The following LMNB2 variants were observed in gnomAD, a reference collection of about 807,000 sequenced individuals.
The protein encoded by LMNB2 is lamin-B2.
LMNB2 carries 17 observed loss-of-function variants against 69.3 expected under a neutral mutation model. The observed-to-expected ratio is 0.25, with a 90% CI of 0.17 to 0.37. The LOEUF (loss-of-function observed/expected upper bound fraction) is 0.37. LMNB2 is among the 10% of genes least tolerant of loss of function. LMNB2 has a pLI of 1.00. For synonymous variants in LMNB2, 397 were observed against 389.3 expected (o/e 1.02, Z -0.23); for missense variants, 789 against 883.6 (o/e 0.89, Z 1.36).
At chr19:2,432,361 A>T in intron 9 of LMNB2, 55 bp downstream of exon 9, 3 of 970,012 alleles carry the variant, frequency 3.1e-6, no homozygotes, top group Non-Finnish European at 4.6e-6. Context: ...CAGTCCCCTG[A>T]CCCCACCTCA....
intron 8 of LMNB2, 51 bp from the exon 9 acceptor site, chr19:2,432,574 GCCC>G (rs769597549): frequency 6.9e-7 from 1 of 1,443,910 alleles, no homozygotes; most frequent in Non-Finnish European, 9.7e-7. Context: ...CTGTGACACC[GCCC>G]CCATCGCCCT....
chr19:2,454,233 C>T (rs991433115), intron 1 of LMNB2, among the ~76,000 whole-genome samples: 3 of 137,290 alleles, frequency 2.2e-5, no homozygotes, highest in African/African-American at 2.7e-5. Context: ...GCAGAGGGTG[C>T]GGGGAGCTAA....
intron 1 of LMNB2, among the ~76,000 whole-genome samples, chr19:2,450,121 C>CACAT (rs1555684456): frequency 1.9e-4 from 27 of 142,418 alleles, no homozygotes; most frequent in African/African-American, 5.5e-4. Context: ...TATATATACA[C>CACAT]ATATATATAT....
chr19:2,438,962 G>A (rs1293688450), intron 2 of LMNB2, among the ~76,000 whole-genome samples: 1 of 143,524 alleles, frequency 7.0e-6, no homozygotes. Context: ...TCCAACATTA[G>A]ATATTTAAGA....
intron 4 of LMNB2, among the ~76,000 whole-genome samples, chr19:2,436,285 A>C (rs1344844391): frequency 6.6e-6 from 1 of 152,176 alleles, no homozygotes; most frequent in Non-Finnish European, 1.5e-5. Flanking sequence ...TCCGTCTCAA[A>C]AGAAAAAAAT....
intron 1 of LMNB2, among the ~76,000 whole-genome samples, chr19:2,449,976 G>A (rs1972001318): frequency 6.6e-6 from 1 of 152,048 alleles, no homozygotes; most frequent in African/African-American, 2.4e-5. Context: ...CCAGGAGGCT[G>A]AGGCAGGAGA....
At chr19:2,445,269 C>T (rs1461651753) in intron 1 of LMNB2, among the ~76,000 whole-genome samples, 1 of 151,554 alleles carries the variant, frequency 6.6e-6, no homozygotes, top group Non-Finnish European at 1.5e-5. Flanking sequence ...CTCCCCCAGA[C>T]CCCGCTGAGC....
At chr19:2,456,362 G>A (rs1048140940) in intron 1 of LMNB2, among the ~76,000 whole-genome samples, 1 of 149,794 alleles carries the variant, frequency 6.7e-6, no homozygotes, top group Non-Finnish European at 1.5e-5. Context: ...CACGCACCCC[G>A]CGGTGGGCGG....
intron 1 of LMNB2, 80 bp downstream of exon 1, chr19:2,456,590 G>A (rs2145479064): frequency 7.7e-7 from 1 of 1,298,242 alleles, no homozygotes; most frequent in Middle Eastern, 3.0e-4. Flanking sequence ...CCCCGCCCAG[G>A]GTCCCCGCGA....
rs147230168 is a variant in LMNB2, at chr19:2,431,627, G to A, written c.1742C>T (p.Ser581Leu). ...CCCATTCTCATTCTCACGCATCACC[G>A]AGGACTTCTTCACAGTCCTCATGGC... is the stretch of plus-strand genomic sequence containing the variant. ...EVAMRTVKKS[S>L]VMRENENGEE... Residue 581 changes from serine (S) to leucine (L), a missense_variant, in exon 11 of 12, where the codon TCG becomes TTG. This residue lies in a region of LMNB2 where 609 missense variants were observed against 630.9 expected (regional missense o/e 0.97). Transcript: ENST00000325327. 1.8e-4 allele frequency: 297 copies of A among 1,614,072 alleles called. No homozygotes were observed. In the East Asian group the frequency reaches 3.5e-3, roughly 19 times the overall value.
At chr19:2,435,842 T>C (rs908436980) in intron 4 of LMNB2, among the ~76,000 whole-genome samples, 27 of 152,028 alleles carry the variant, frequency 1.8e-4, no homozygotes, top group African/African-American at 6.3e-4. Context: ...TGACTCTCTC[T>C]TATAAAAGCC....
At chr19:2,432,556 C>T (rs751927257) in intron 8 of LMNB2, 33 bp from the exon 9 acceptor site, 2 of 1,569,846 alleles carry the variant, frequency 1.3e-6, no homozygotes, top group East Asian at 2.2e-5. Flanking sequence ...GACCCTCAGC[C>T]ACCAGGACTG....
Position 2,432,493 on chromosome 19 carries a change from T to A in LMNB2, c.1513A>T (p.Arg505Trp), listed in dbSNP as rs1226342595. The A allele has an allele frequency of 6.2e-7, 1 of 1,613,828 alleles. No individual in the cohort carries two copies. Among genetic ancestry groups the A allele is most frequent in the Admixed American group, 1.7e-5 (1 of 60,006 alleles). The change falls in exon 9 of 12, where the codon AGG (arginine) becomes TGG (tryptophan). Residue 505 changes from arginine to tryptophan, a missense_variant. Transcript: ENST00000325327. The part of the protein sequence containing the change: ...DQSLGNWRIK[R>W]QVLEGEEIAY... ...ATCTCCTCCCCCTCCAAGACCTGCC[T>A]CTTGATTCTCCAGTTCCCCAGAGAC...
rs1054059861 is a variant in LMNB2, at chr19:2,437,717, T to G, written c.684+446A>C. 2.7e-5 allele frequency among the ~76,000 whole-genome samples: 4 copies of G among 150,372 alleles called. No individual in the cohort carries two copies. The Admixed American group carries it at 2.7e-4, about 10-fold the overall frequency. ...CGGGAGGCTGAGGCAGGAGAATTGC[T>G]TGAACCTGGGAGGCGGAGGTTGCAG... On this transcript the variant is annotated intron_variant, in intron 4 of 11. Coordinates refer to ENST00000325327, the MANE Select transcript of LMNB2 (RefSeq NM_032737.4).
chr19:2,442,276 C>A (rs1317848641), intron 2 of LMNB2, among the ~76,000 whole-genome samples: 1 of 151,910 alleles, frequency 6.6e-6, no homozygotes, highest in African/African-American at 2.4e-5. Flanking sequence ...AGCAACATAG[C>A]GAGACCTCAT....
chr19:2,445,258 G>A (rs1164755988), intron 1 of LMNB2, among the ~76,000 whole-genome samples: 1 of 104,820 alleles, frequency 9.5e-6, no homozygotes, highest in East Asian at 2.9e-4. Context: ...TGGAGCCCCC[G>A]CTCCCCCAGA....
intron 1 of LMNB2, among the ~76,000 whole-genome samples, chr19:2,448,767 G>C (rs1182305350): frequency 3.9e-5 from 6 of 152,206 alleles, no homozygotes; most frequent in Admixed American, 3.9e-4. Context: ...AAAATTGCTT[G>C]AACCCAGGAG....
chr19:2,442,247 G>A (rs1216818593), intron 2 of LMNB2, among the ~76,000 whole-genome samples: 17 of 152,092 alleles, frequency 1.1e-4, no homozygotes, highest in Non-Finnish European at 4.4e-5. Flanking sequence ...CTTTAGCCTG[G>A]GAGTTGAAGA....
In LMNB2 at chr19:2,430,511, T is replaced by G. The variant is rs879480494; in HGVS notation, c.*400A>C. ...TCTGAATTTGGTTTTGTAGAAAGCC[T>G]TAAAAAAACCCACCACCACTGAATT... On this transcript the variant is annotated 3_prime_UTR_variant, in exon 12 of 12. Transcript: ENST00000325327. The G allele has an allele frequency of 1.9e-5, 6 of 317,188 alleles. No individual in the cohort carries two copies. The highest frequency in any genetic ancestry group is 3.7e-5 in the Non-Finnish European group (6 of 162,734). The allele number at this position is 317,188 out of a possible 1,614,324, so 19.6% of individuals were successfully genotyped here.
Sources: gnomAD v4.1 joint callset for allele counts (sites outside exome capture counted in the v4.1 genomes callset) on GRCh38, gnomAD v4.1.1 for gene constraint, gnomAD v4.1.1 regional missense constraint, MANE v1.5 for transcripts, NCBI Gene and HGNC (gene_info 2026-07-23, HGNC 2026-07-21) for gene names.